Variants in ATXN1 observed in about 807,000 individuals in gnomAD.
ATXN1 encodes the protein ataxin 1, also known as ataxin-1.
A neutral mutation model predicts 56.4 loss-of-function variants in ATXN1; 8 were observed. That is an observed-to-expected ratio of 0.14 (90% CI 0.08 to 0.26). The LOEUF (loss-of-function observed/expected upper bound fraction) is 0.26, where lower values mean the gene tolerates loss of function less well. Ranked by LOEUF, ATXN1 falls within the 10% of genes least tolerant of loss-of-function variation. ATXN1 has a pLI of 1.00. For synonymous variants in ATXN1, 514 were observed against 494.6 expected (o/e 1.04, Z -0.52); for missense variants, 987 against 1,106.5 (o/e 0.89, Z 1.53).
At chr6:16,309,773 C>T (rs1760345888) in intron 7 of ATXN1, among the ~76,000 whole-genome samples, 1 of 152,060 alleles carries the variant, frequency 6.6e-6, no homozygotes, top group African/African-American at 2.4e-5. Context: ...GTGGCTCCTG[C>T]CTGTAATCCC....
chr6:16,527,782 C>G (rs1454401403), intron 4 of ATXN1, among the ~76,000 whole-genome samples: 3 of 152,222 alleles, frequency 2.0e-5, no homozygotes, highest in African/African-American at 7.2e-5. Context: ...ACAATTCACT[C>G]TAGGCATTTG....
In ATXN1 at chr6:16,328,389, A is replaced by G; in HGVS notation, c.-79T>C. The G allele has an allele frequency of 7.1e-7, 1 of 1,417,318 alleles. No individual in the cohort carries two copies. 87.8% of individuals were successfully genotyped at this position (1,417,318 alleles called of 1,614,324 possible). ...TTTAGTCTGATAAACGGAAAGTCAC[A>G]TTTGATTTCTGTAGGGGATCCAGGC... is the stretch of plus-strand genomic sequence containing the variant. On this transcript the variant is annotated 5_prime_UTR_variant, in exon 7 of 8. The change abolishes an upstream ATG in the 5' untranslated region. Coordinates refer to ENST00000436367, the MANE Select transcript of ATXN1 (RefSeq NM_001128164.2). The surrounding 1 kb of genome is among the most constrained non-coding windows in gnomAD (Gnocchi z 6.2).
At chr6:16,655,829 T>TTGGGAGG (rs1758187123) in intron 3 of ATXN1, among the ~76,000 whole-genome samples, 1 of 151,736 alleles carries the variant, frequency 6.6e-6, no homozygotes, top group Non-Finnish European at 1.5e-5. Context: ...GTGGTTCACA[T>TTGGGAGG]CTGTAATCCC....
intron 3 of ATXN1, among the ~76,000 whole-genome samples, chr6:16,602,400 T>C (rs1311853166): frequency 1.3e-5 from 2 of 152,178 alleles, no homozygotes; most frequent in Non-Finnish European, 2.9e-5. Flanking sequence ...ATTTTTTTAA[T>C]TGAAGCATCA....
At chr6:16,548,333 A>AT (rs555736263) in intron 4 of ATXN1, among the ~76,000 whole-genome samples, 1 of 152,334 alleles carries the variant, frequency 6.6e-6, no homozygotes, top group South Asian at 2.1e-4. Context: ...TGGTGAGCGA[A>AT]TGTGAAGGCC....
At chr6:16,448,047 A>C (rs1183731232) in intron 6 of ATXN1, among the ~76,000 whole-genome samples, 1 of 152,164 alleles carries the variant, frequency 6.6e-6, no homozygotes, top group East Asian at 1.9e-4. Context: ...ATTCCACTCA[A>C]ACCTTTCAAT....
At chr6:16,357,269 T>A (rs1761707090) in intron 6 of ATXN1, among the ~76,000 whole-genome samples, 1 of 147,502 alleles carries the variant, frequency 6.8e-6, no homozygotes, top group African/African-American at 2.7e-5. Context: ...TTATTTTATT[T>A]TATTTTTTTT....
chr6:16,361,373 T>C (rs935162097), intron 6 of ATXN1, among the ~76,000 whole-genome samples: 1 of 152,210 alleles, frequency 6.6e-6, no homozygotes, highest in Non-Finnish European at 1.5e-5. Context: ...TTCACGCACA[T>C]GGCTAATTAT....
intron 6 of ATXN1, among the ~76,000 whole-genome samples, chr6:16,414,279 A>C (rs35210572): frequency 0.11 from 16,920 of 152,228 alleles, 1,009 homozygotes; most frequent in Non-Finnish European, 0.12. Flanking sequence ...AAATGAGGTG[A>C]TGAGACAGCA....
Position 16,302,306 on chromosome 6 carries a change from A to T in ATXN1, c.*4023T>A, listed in dbSNP as rs186057151. ...ATGCTGCCACTTCCTGGTGGGGGGAAAAAACCCAACACACTCACCTAACAG... is the reference window on the plus strand; with the variant it reads ...ATGCTGCCACTTCCTGGTGGGGGGATAAAACCCAACACACTCACCTAACAG... On this transcript the variant is annotated 3_prime_UTR_variant, in exon 8 of 8. Coordinates refer to ENST00000436367, the MANE Select transcript of ATXN1 (RefSeq NM_001128164.2). The T allele has an allele frequency of 2.0e-4, 31 of 152,460 alleles. No individual in the cohort carries two copies. The highest frequency in any genetic ancestry group is 7.2e-4 in the African/African-American group (30 of 41,572). The allele number at this position is 152,460 out of a possible 1,614,324, so 9.4% of individuals were successfully genotyped here. A position where few individuals can be genotyped will look rare whatever the true frequency, so the allele number is the denominator to read the frequency against.
chr6:16,506,227 T>C lies in ATXN1; in HGVS notation c.-299+16400A>G, dbSNP rs569459150. On this transcript the variant is annotated intron_variant, in intron 5 of 7. Coordinates refer to ENST00000436367, the MANE Select transcript of ATXN1 (RefSeq NM_001128164.2). This position sits in a 1 kb window ranked among gnomAD's most constrained non-coding sequence, Gnocchi z 4.1. ...GATTTATTTCCATTTGTTCACATGATGTGACTCATCATTTGGGTGACATGG... is the reference window on the plus strand; with the variant it reads ...GATTTATTTCCATTTGTTCACATGACGTGACTCATCATTTGGGTGACATGG... 2.0e-5 allele frequency among the ~76,000 whole-genome samples: 3 copies of C among 152,364 alleles called. No homozygotes were observed. The East Asian group carries it at 5.8e-4, about 29-fold the overall frequency.
intron 6 of ATXN1, among the ~76,000 whole-genome samples, chr6:16,477,348 C>A (rs1760346270): frequency 6.6e-6 from 1 of 152,192 alleles, no homozygotes; most frequent in Non-Finnish European, 1.5e-5. Flanking sequence ...AAGATACAAT[C>A]CACAGTATTT....
intron 4 of ATXN1, among the ~76,000 whole-genome samples, chr6:16,529,176 C>CAA (rs34454648): frequency 2.1e-4 from 26 of 122,530 alleles, no homozygotes; most frequent in East Asian, 1.5e-3. Context: ...AAGACTCTGT[C>CAA]AAAAAAAAAA....
intron 3 of ATXN1, among the ~76,000 whole-genome samples, chr6:16,648,303 G>A (rs1426399108): frequency 1.3e-5 from 2 of 152,228 alleles, no homozygotes; most frequent in South Asian, 2.1e-4. Context: ...GTCTGCAGAG[G>A]GCAGTTCAAC....
intron 2 of ATXN1, among the ~76,000 whole-genome samples, chr6:16,703,174 C>G (rs1341094424): frequency 5.3e-5 from 8 of 152,160 alleles, no homozygotes; most frequent in African/African-American, 1.7e-4. Context: ...AGTTCATGTC[C>G]TTTGTAGGGA....
At chr6:16,725,135 T>C (rs928669337) in intron 2 of ATXN1, among the ~76,000 whole-genome samples, 3 of 152,234 alleles carry the variant, frequency 2.0e-5, no homozygotes, top group African/African-American at 7.2e-5. Flanking sequence ...ACATGATCCC[T>C]TGGAAAATTA....
At chr6:16,420,079 G>A (rs755705119) in intron 6 of ATXN1, among the ~76,000 whole-genome samples, 2 of 152,224 alleles carry the variant, frequency 1.3e-5, no homozygotes, top group African/African-American at 2.4e-5. Context: ...CATAGGCAAC[G>A]AATACTCTGC....
chr6:16,555,014 T>A (rs988273824), intron 4 of ATXN1, among the ~76,000 whole-genome samples: 1 of 152,202 alleles, frequency 6.6e-6, no homozygotes, highest in Non-Finnish European at 1.5e-5. Context: ...CCCCATCTCA[T>A]ACCCTGGGAC....
intron 6 of ATXN1, among the ~76,000 whole-genome samples, chr6:16,362,584 A>G (rs1375795888): frequency 1.3e-5 from 2 of 152,060 alleles, no homozygotes; most frequent in African/African-American, 4.8e-5. Context: ...GGCTCTTCCC[A>G]CCAGCAGCAC....
Sources: gnomAD v4.1 joint callset for allele counts (sites outside exome capture counted in the v4.1 genomes callset) on GRCh38, gnomAD v4.1.1 for gene constraint, Gnocchi (gnomAD v3.1) non-coding constraint, MANE v1.5 for transcripts, NCBI Gene and HGNC (gene_info 2026-07-23, HGNC 2026-07-21) for gene names.